Variants in PRELID2 observed in about 807,000 individuals in gnomAD.
The protein encoded by PRELID2 is PRELI domain-containing protein 2.
A neutral mutation model predicts 28.4 loss-of-function variants in PRELID2; 25 were observed. The observed-to-expected ratio is 0.88, with a 90% CI of 0.64 to 1.23. The LOEUF is 1.23. Among genes scored for constraint, PRELID2 ranks in the 50% most tolerant of loss-of-function variants. PRELID2 has a pLI of 0.00. For synonymous variants in PRELID2, 76 were observed against 71.6 expected, an observed-to-expected ratio of 1.06 and a Z score of -0.31; for missense variants, 201 against 214.4, an observed-to-expected ratio of 0.94 and a Z score of 0.39.
chr5:145,420,251 T>C, the PRELID2 span, among the ~76,000 whole-genome samples: 1 of 152,286 alleles, frequency 6.6e-6, no homozygotes, highest in African/African-American at 2.4e-5. Flanking sequence ...TAAAGTAGTT[T>C]TTTCCAATTC....
chr5:145,238,551 T>C, the PRELID2 span, among the ~76,000 whole-genome samples: 4 of 152,242 alleles, frequency 2.6e-5, no homozygotes, highest in South Asian at 2.1e-4. Flanking sequence ...ATGCCAGATA[T>C]GTACTAAGCA....
intron 1 of PRELID2, among the ~76,000 whole-genome samples, chr5:145,669,472 G>A (rs1754662531): frequency 6.6e-6 from 1 of 152,088 alleles, no homozygotes; most frequent in Non-Finnish European, 1.5e-5. Context: ...ATCTTGGGAG[G>A]CAATCAGTGC....
At chr5:145,581,422 C>T (rs764878793) in intron 1 of PRELID2, among the ~76,000 whole-genome samples, 8 of 152,032 alleles carry the variant, frequency 5.3e-5, no homozygotes, top group Admixed American at 1.3e-4. Context: ...GGGAGGTTTG[C>T]GTCTTCATTC....
At chr5:145,725,736 C>G (rs1288989678) in intron 1 of PRELID2, among the ~76,000 whole-genome samples, 1 of 152,182 alleles carries the variant, frequency 6.6e-6, no homozygotes, top group East Asian at 1.9e-4. Context: ...CTTCTACCCT[C>G]CCATAGAGAC....
At chr5:145,615,178 A>C (rs913191676) in intron 1 of PRELID2, among the ~76,000 whole-genome samples, 8 of 152,110 alleles carry the variant, frequency 5.3e-5, no homozygotes, top group Non-Finnish European at 7.4e-5. Flanking sequence ...TGTCTCTTTT[A>C]ACTGCTATTG....
At chr5:145,467,097 C>G (rs1752009165), downstream of PRELID2, among the ~76,000 whole-genome samples, 1 of 152,110 alleles carries the variant, frequency 6.6e-6, no homozygotes, top group Admixed American at 6.6e-5. Context: ...GTTTGTAAAA[C>G]CCAGGAAGAC....
At chr5:145,779,974 A>G (rs1402947929) in intron 5 of PRELID2, among the ~76,000 whole-genome samples, 1 of 152,212 alleles carries the variant, frequency 6.6e-6, no homozygotes, top group African/African-American at 2.4e-5. Flanking sequence ...TGAGCCCAGG[A>G]GTTCGAGACC....
the PRELID2 span, among the ~76,000 whole-genome samples, chr5:145,343,097 C>T: frequency 0.014 from 2,128 of 151,802 alleles, 42 homozygotes; most frequent in African/African-American, 0.048. Context: ...CTACTTTCAA[C>T]GTTAGACAGA....
chr5:145,358,043 T>C, the PRELID2 span, among the ~76,000 whole-genome samples: 1 of 152,074 alleles, frequency 6.6e-6, no homozygotes, highest in Non-Finnish European at 1.5e-5. Context: ...GATTACTGTC[T>C]CCATGCCTGC....
At chr5:145,700,433 C>T (rs1257832474) in intron 1 of PRELID2, among the ~76,000 whole-genome samples, 4 of 152,122 alleles carry the variant, frequency 2.6e-5, no homozygotes, top group Non-Finnish European at 5.9e-5. Flanking sequence ...CTGGTTTTCA[C>T]CAGCAAGGTA....
At chr5:145,618,514 CAG>C (rs748494234) in intron 1 of PRELID2, among the ~76,000 whole-genome samples, 1 of 152,318 alleles carries the variant, frequency 6.6e-6, no homozygotes, top group East Asian at 1.9e-4. Context: ...CTTATCTGCA[CAG>C]AGTCCTGTGA....
chr5:145,445,938 GT>G, the PRELID2 span, among the ~76,000 whole-genome samples: 5 of 152,064 alleles, frequency 3.3e-5, no homozygotes, highest in African/African-American at 9.7e-5. Context: ...TGATTTTACA[GT>G]GGTAAACAGT....
rs868076046 is a variant in PRELID2 at position 145,717,640 on chromosome 5, A to G, written n.70+47291T>C. 5.3e-5 allele frequency among the ~76,000 whole-genome samples: 8 copies of G among 151,470 alleles called. 1 individual carries two copies. Among genetic ancestry groups the G allele is most frequent in the African/African-American group, 1.9e-4 (8 of 41,446 alleles). ...AATCATATGATTTGATACAATTACA[A>G]TTTTATTTCTTGTATTATTTAATAT... On this transcript the variant is annotated intron_variant and non_coding_transcript_variant, in intron 1 of 2. Coordinates refer to the PRELID2 transcript ENST00000510259.
intron 1 of PRELID2, among the ~76,000 whole-genome samples, chr5:145,680,850 C>T (rs1754918681): frequency 6.6e-6 from 1 of 152,010 alleles, no homozygotes; most frequent in South Asian, 2.1e-4. Context: ...GGAGAAAGTA[C>T]TTTGTTCCAT....
At chr5:145,321,511 C>G in the PRELID2 span, among the ~76,000 whole-genome samples, 1 of 152,164 alleles carries the variant, frequency 6.6e-6, no homozygotes, top group Non-Finnish European at 1.5e-5. Context: ...TTGTCCACAA[C>G]AATAGCAGTT....
At chr5:145,715,575 C>T (rs568321028) in intron 1 of PRELID2, among the ~76,000 whole-genome samples, 5 of 152,282 alleles carry the variant, frequency 3.3e-5, no homozygotes, top group Admixed American at 2.6e-4. Flanking sequence ...ACTTCCCACC[C>T]CAGCTTACAA....
chr5:145,702,792 C>T (rs1755440271), intron 1 of PRELID2, among the ~76,000 whole-genome samples: 1 of 152,090 alleles, frequency 6.6e-6, no homozygotes, highest in Admixed American at 6.6e-5. Context: ...TCAAGACTCC[C>T]TACCTACCAG....
chr5:145,410,729 AG>A, the PRELID2 span, among the ~76,000 whole-genome samples: 1 of 152,310 alleles, frequency 6.6e-6, no homozygotes, highest in East Asian at 1.9e-4. Context: ...TCACAATTCA[AG>A]ATGAAATTTT....
At chr5:145,777,331 T>TA (rs1758473297) in intron 5 of PRELID2, among the ~76,000 whole-genome samples, 1 of 152,026 alleles carries the variant, frequency 6.6e-6, no homozygotes, top group Non-Finnish European at 1.5e-5. Context: ...GCCTCTTGAG[T>TA]AGGTGGGATT....
Sources: gnomAD v4.1 joint callset for allele counts (sites outside exome capture counted in the v4.1 genomes callset) on GRCh38, gnomAD v4.1.1 for gene constraint, MANE v1.5 for transcripts, NCBI Gene and HGNC (gene_info 2026-07-23, HGNC 2026-07-21) for gene names.